OSBPL9: variants seen among roughly 807,000 people sequenced by gnomAD.
The protein encoded by OSBPL9 is oxysterol binding protein like 9.
OSBPL9 carries 40 observed loss-of-function variants against 106.6 expected under a neutral mutation model. That is an observed-to-expected ratio of 0.38 (90% CI 0.29 to 0.49). The LOEUF (loss-of-function observed/expected upper bound fraction) is 0.49, where lower values mean the gene tolerates loss of function less well. Among genes scored for constraint, OSBPL9 ranks in the 20% least tolerant of loss-of-function variants. OSBPL9 has a pLI of 0.97. For missense variants in OSBPL9, 609 were observed against 887.2 expected, an observed-to-expected ratio of 0.69 and a Z score of 3.98; for synonymous variants, 269 against 295.4, an observed-to-expected ratio of 0.91 and a Z score of 0.92.
chr1:51,666,704 A>G (rs1295044762), intron 2 of OSBPL9, among the ~76,000 whole-genome samples: 1 of 152,186 alleles, frequency 6.6e-6, no homozygotes, highest in Non-Finnish European at 1.5e-5. Context: ...CTGAATTCAT[A>G]TGGGGTGTCT....
intron 13 of OSBPL9, 136 bp downstream of exon 13, chr1:51,772,318 C>T (rs1674093031): frequency 1.4e-6 from 1 of 707,058 alleles, no homozygotes; most frequent in Non-Finnish European, 2.4e-6. Flanking sequence ...TCAAGACCAG[C>T]CTGACCAACA....
chr1:51,541,518 G>C, the OSBPL9 span, among the ~76,000 whole-genome samples: 1,208 of 152,226 alleles, frequency 7.9e-3, 54 homozygotes, highest in East Asian at 0.11. Context: ...GAGAAATATT[G>C]ATTTGTCCAA....
rs1049984615 is a variant in OSBPL9, at chr1:51,656,711, G to A, written c.162+4670G>A. 2.0e-5 allele frequency among the ~76,000 whole-genome samples: 3 copies of A among 149,352 alleles called. No individual in the cohort carries two copies. In the East Asian group the frequency reaches 6.0e-4, roughly 30 times the overall value. On this transcript the variant is annotated intron_variant, in intron 2 of 23. Coordinates refer to ENST00000428468, the MANE Select transcript of OSBPL9 (RefSeq NM_024586.6). ...GATCTTGCTCTTTACCCAGGCTGGA[G>A]TGCAATGGTGCGATTATAGCTCACT...
At chr1:51,751,861 G>C (rs1326907322) in intron 8 of OSBPL9, among the ~76,000 whole-genome samples, 2 of 152,138 alleles carry the variant, frequency 1.3e-5, no homozygotes, top group Admixed American at 6.5e-5. Context: ...CTTGCTACCT[G>C]TCTGTGTTAG....
chr1:51,702,583 A>T lies in OSBPL9; in HGVS notation c.242-11420A>T, dbSNP rs184816550. Among the ~76,000 whole-genome samples the T allele has an allele frequency of 6.4e-3, 970 of 152,212 alleles. 7 individuals carry two copies. Among genetic ancestry groups the T allele is most frequent in the Non-Finnish European group, 0.011 (758 of 68,012 alleles). The stretch of plus-strand genomic sequence containing the variant: ...GAGTAGATTGCAAAATTTTTCTCCC[A>T]TTCTGTAGGTTGCCTGTTCAGTCTG... On this transcript the variant is annotated intron_variant, in intron 3 of 23. Transcript: ENST00000428468.
chr1:51,641,907 T>C (rs1317443604), intron 1 of OSBPL9, among the ~76,000 whole-genome samples: 1 of 152,190 alleles, frequency 6.6e-6, no homozygotes, highest in East Asian at 1.9e-4. Context: ...CACACAGTAT[T>C]GATTAGAATG....
intron 4 of OSBPL9, among the ~76,000 whole-genome samples, chr1:51,715,969 C>T (rs1660979076): frequency 6.6e-6 from 1 of 152,114 alleles, no homozygotes; most frequent in Non-Finnish European, 1.5e-5. Context: ...AATTCACTAT[C>T]TCCTTATCAT....
chr1:51,693,115 CA>C (rs1291407652), intron 3 of OSBPL9, among the ~76,000 whole-genome samples: 1 of 151,986 alleles, frequency 6.6e-6, no homozygotes, highest in Admixed American at 6.6e-5. Context: ...TGTGATGGCT[CA>C]CCCCTGTAAT....
At chr1:51,768,193 G>A (rs1407685223) in intron 12 of OSBPL9, among the ~76,000 whole-genome samples, 8 of 151,576 alleles carry the variant, frequency 5.3e-5, no homozygotes, top group East Asian at 1.9e-4. Context: ...AGCCCGCCTC[G>A]GCCTCCCAAA....
intron 15 of OSBPL9, among the ~76,000 whole-genome samples, chr1:51,780,112 A>C (rs1676010029): frequency 6.6e-6 from 1 of 151,884 alleles, no homozygotes; most frequent in African/African-American, 2.4e-5. Flanking sequence ...AACAAACATG[A>C]AAAAATGCTC....
chr1:51,520,459 G>A, the OSBPL9 span, among the ~76,000 whole-genome samples: 2 of 152,200 alleles, frequency 1.3e-5, no homozygotes, highest in African/African-American at 2.4e-5. Flanking sequence ...ATCTGTAAGC[G>A]TTAGTTGAGG....
At chr1:51,720,412 G>A (rs1173554694) in intron 4 of OSBPL9, among the ~76,000 whole-genome samples, 8 of 146,830 alleles carry the variant, frequency 5.4e-5, no homozygotes, top group African/African-American at 2.0e-4. Flanking sequence ...TGCAACCTCC[G>A]CCTCCCAGGT....
At chr1:51,533,347 G>T in the OSBPL9 span, among the ~76,000 whole-genome samples, 1 of 151,852 alleles carries the variant, frequency 6.6e-6, no homozygotes, top group Admixed American at 6.6e-5. Context: ...TTAGCTGGTC[G>T]TGGTGGTGCA....
intron 2 of OSBPL9, among the ~76,000 whole-genome samples, chr1:51,653,973 G>C (rs1646672508): frequency 6.6e-6 from 1 of 151,438 alleles, no homozygotes. Context: ...CTGCCTTCCA[G>C]CCTGGGTGAC....
chr1:51,579,599 A>AAT (rs1167818624), intron 1 of OSBPL9, among the ~76,000 whole-genome samples: 1 of 152,116 alleles, frequency 6.6e-6, no homozygotes, highest in Non-Finnish European at 1.5e-5. Context: ...AGACATAATA[A>AAT]AAGACCCTGA....
chr1:51,720,987 T>C (rs972686645), intron 4 of OSBPL9, among the ~76,000 whole-genome samples: 2 of 151,514 alleles, frequency 1.3e-5, no homozygotes, highest in African/African-American at 2.4e-5. Flanking sequence ...TTAGTAGAGA[T>C]GGGGTTTTAC....
chr1:51,729,912 G>C lies in OSBPL9; in HGVS notation c.319-15624G>C. Reference sequence around the variant, plus strand: ...ATCGGGTCGAGGGGAGAAGAAAAAGGGGTGCTCGGGAGCAGCCCCCGGCTA... The same window carrying C: ...ATCGGGTCGAGGGGAGAAGAAAAAGCGGTGCTCGGGAGCAGCCCCCGGCTA... On this transcript the variant is annotated intron_variant, in intron 4 of 23. Coordinates refer to ENST00000428468, the MANE Select transcript of OSBPL9 (RefSeq NM_024586.6). The surrounding 1 kb of genome is among the most constrained non-coding windows in gnomAD (Gnocchi z 5.1). The C allele has an allele frequency of 1.6e-6, 2 of 1,288,962 alleles. No homozygotes were observed. The highest frequency in any genetic ancestry group is 9.9e-7 in the Non-Finnish European group (1 of 1,010,238). The allele number at this position is 1,288,962 out of a possible 1,614,324, so 79.8% of individuals were successfully genotyped here. A position where few individuals can be genotyped will look rare whatever the true frequency, so the allele number is the denominator to read the frequency against.
chr1:51,554,328 A>T, the OSBPL9 span, among the ~76,000 whole-genome samples: 3 of 152,202 alleles, frequency 2.0e-5, no homozygotes, highest in Admixed American at 2.0e-4. Context: ...ACAATTCTAC[A>T]TCCTATACAA....
chr1:51,657,879 C>G (rs1006970287), intron 2 of OSBPL9, among the ~76,000 whole-genome samples: 2 of 152,056 alleles, frequency 1.3e-5, no homozygotes, highest in African/African-American at 4.8e-5. Flanking sequence ...AGGAGGATCA[C>G]TTGAGTCCAG....
Sources: gnomAD v4.1 joint callset for allele counts (sites outside exome capture counted in the v4.1 genomes callset) on GRCh38, gnomAD v4.1.1 for gene constraint, Gnocchi (gnomAD v3.1) non-coding constraint, MANE v1.5 for transcripts, NCBI Gene and HGNC (gene_info 2026-07-23, HGNC 2026-07-21) for gene names.